The following KCNK1 variants were observed in gnomAD, a reference collection of about 807,000 sequenced individuals.
KCNK1 encodes the protein potassium two pore domain channel subfamily K member 1, also known as potassium channel subfamily K member 1.
KCNK1 carries 10 observed loss-of-function variants against 22.2 expected under a neutral mutation model. The observed-to-expected ratio is 0.45, with a 90% CI of 0.28 to 0.76. KCNK1 has a LOEUF of 0.76. Among genes scored for constraint, KCNK1 ranks in the 30% least tolerant of loss-of-function variants. The pLI is 0.14. For missense variants in KCNK1, 378 were observed against 421.0 expected, an observed-to-expected ratio of 0.90 and a Z score of 0.89; for synonymous variants, 200 against 186.4, an observed-to-expected ratio of 1.07 and a Z score of -0.60.
At chr1:233,660,335 ATAGT>A (rs1373892242) in intron 1 of KCNK1, 4 of 152,226 alleles carry the variant, frequency 2.6e-5, no homozygotes, top group Admixed American at 1.3e-4. Context: ...TTTACATTAA[ATAGT>A]TAAATAGGAA....
chr1:233,627,414 G>T (rs1297166474), intron 1 of KCNK1, among the ~76,000 whole-genome samples: 1 of 152,188 alleles, frequency 6.6e-6, no homozygotes, highest in African/African-American at 2.4e-5. Flanking sequence ...TGGTTAGATG[G>T]ATTAAGTTAA....
rs759430506 is a variant in KCNK1, at chr1:233,666,657, A to G, written c.418A>G (p.Ile140Val). ...GGCCTTCTGCATCATCTACTCCGTC[A>G]TTGGCATTCCCTTCACCCTCCTGTT... is the stretch of plus-strand genomic sequence containing the variant. ...GKAFCIIYSV[I>V]GIPFTLLFLT... The change falls in exon 2 of 3, where the codon ATT becomes GTT. Residue 140 changes from isoleucine (I) to valine (V), a missense_variant. Ile to Val is a conservative substitution (Grantham distance 29, BLOSUM62 3). Transcript: ENST00000366621. 1.2e-6 allele frequency: 2 copies of G among 1,614,034 alleles called. No individual in the cohort carries two copies. The highest frequency in any genetic ancestry group is 1.7e-6 in the Non-Finnish European group (2 of 1,179,994).
rs78993660 is a variant in KCNK1 at position 233,627,001 on chromosome 1, G to A, written c.355+12475G>A. 6.9e-3 allele frequency among the ~76,000 whole-genome samples: 1,049 copies of A among 151,932 alleles called. 8 individuals are homozygous for A. The highest frequency in any genetic ancestry group is 9.3e-3 in the Non-Finnish European group (634 of 67,972). ...GTTTCTGTTTTTAGGAAGTAAGTAA[G>A]TAAAACATGATTTTTTTTTTCACAA... On this transcript the variant is annotated intron_variant, in intron 1 of 2. Transcript: ENST00000366621.
intron 1 of KCNK1, among the ~76,000 whole-genome samples, chr1:233,662,973 A>G (rs990833948): frequency 6.6e-6 from 1 of 152,244 alleles, no homozygotes; most frequent in Non-Finnish European, 1.5e-5. Flanking sequence ...AGATTTAAAA[A>G]TATGAATTTT....
intron 1 of KCNK1, among the ~76,000 whole-genome samples, chr1:233,649,725 T>C (rs140756949): frequency 4.6e-4 from 70 of 152,272 alleles, no homozygotes; most frequent in African/African-American, 1.6e-3. Context: ...GAGGGCAGAA[T>C]CCTTATGACC....
intron 1 of KCNK1, among the ~76,000 whole-genome samples, chr1:233,649,121 T>G (rs1410024140): frequency 6.6e-6 from 1 of 152,214 alleles, no homozygotes; most frequent in Non-Finnish European, 1.5e-5. Flanking sequence ...TAAAAAGGTG[T>G]ATTTTTCTGC....
Position 233,671,569 on chromosome 1 carries a change from A to G in KCNK1, c.*39A>G. The stretch of plus-strand genomic sequence containing the variant: ...TGCATTATGCTAGAGCACCAGGGTC[A>G]GGGTGCAAGGAAGAGGCTTAAGTAT... On this transcript the variant is annotated 3_prime_UTR_variant, in exon 3 of 3. Transcript: ENST00000366621. The G allele has an allele frequency of 6.2e-7, 1 of 1,610,954 alleles. No individual in the cohort carries two copies. The highest frequency in any genetic ancestry group is 1.1e-5 in the South Asian group (1 of 90,918).
At position 233,641,528 on chromosome 1, in the gene KCNK1, A is replaced by G. The variant is rs1006347307; in HGVS notation, c.356-25067A>G. Among the ~76,000 whole-genome samples the G allele has an allele frequency of 1.5e-4, 23 of 152,326 alleles. 1 individual carries two copies. The highest frequency in any genetic ancestry group is 1.3e-3 in the East Asian group (7 of 5,188). On this transcript the variant is annotated intron_variant, in intron 1 of 2. Coordinates refer to ENST00000366621, the MANE Select transcript of KCNK1 (RefSeq NM_002245.4). ...TTAAATTTATAGGAGGGACACGTAAATGTTCTCACACTGTAAGGTCTGGCA... is the reference window on the plus strand; with the variant it reads ...TTAAATTTATAGGAGGGACACGTAAGTGTTCTCACACTGTAAGGTCTGGCA...
intron 1 of KCNK1, among the ~76,000 whole-genome samples, chr1:233,647,162 G>T (rs1658114309): frequency 6.6e-6 from 1 of 152,210 alleles, no homozygotes; most frequent in Non-Finnish European, 1.5e-5. Context: ...CATGTCATCT[G>T]TGCTTCTGTT....
intron 1 of KCNK1, among the ~76,000 whole-genome samples, chr1:233,661,007 A>AT (rs1381123662): frequency 2.9e-4 from 44 of 152,346 alleles, no homozygotes; most frequent in African/African-American, 9.6e-4. Context: ...TAGAGTAGAA[A>AT]TAACAACTCT....
rs987203686 is a variant in KCNK1, at chr1:233,666,449, A to G, written c.356-146A>G. 1.7e-5 allele frequency: 11 copies of G among 652,508 alleles called. No homozygotes were observed. In the African/African-American group the frequency reaches 1.8e-4, roughly 11 times the overall value. The allele number at this position is 652,508 out of a possible 1,614,324, so 40.4% of individuals were successfully genotyped here. On this transcript the variant is annotated intron_variant, in intron 1 of 2. Coordinates refer to ENST00000366621, the MANE Select transcript of KCNK1 (RefSeq NM_002245.4). ...TTTACTGGGACATGACAATTATACT[A>G]GAGCCCCTAAAGTGGCAGACCTGAA... is the stretch of plus-strand genomic sequence containing the variant.
chr1:233,657,902 C>T (rs1489612865), intron 1 of KCNK1, among the ~76,000 whole-genome samples: 3 of 152,052 alleles, frequency 2.0e-5, no homozygotes, highest in African/African-American at 4.8e-5. Context: ...ACCAGGTACT[C>T]ACCAGCTTAG....
In KCNK1 at chr1:233,645,706, G is replaced by A. The variant is rs563386657; in HGVS notation, c.356-20889G>A. Among the ~76,000 whole-genome samples, 13 of 152,294 alleles carry A rather than the reference G, an allele frequency of 8.5e-5. No homozygotes were observed. In the South Asian group the frequency reaches 2.7e-3, roughly 32 times the overall value. ...AATTTGTACAGCAGCCACAGGAAAC[G>A]AATACCAGTGTCTCATAGGCTTGGC... On this transcript the variant is annotated intron_variant, in intron 1 of 2. Transcript: ENST00000366621.
At chr1:233,639,621 T>C (rs1256322609) in intron 1 of KCNK1, among the ~76,000 whole-genome samples, 6 of 152,244 alleles carry the variant, frequency 3.9e-5, no homozygotes, top group Non-Finnish European at 8.8e-5. Context: ...GTCAAATACT[T>C]GATTCTCTTT....
intron 1 of KCNK1, among the ~76,000 whole-genome samples, chr1:233,617,015 C>T (rs1394116578): frequency 1.3e-5 from 2 of 150,902 alleles, no homozygotes; most frequent in Non-Finnish European, 2.9e-5. Flanking sequence ...AATCGCTTTT[C>T]GTTTTTTGGG....
intron 1 of KCNK1, among the ~76,000 whole-genome samples, chr1:233,620,066 AAAG>A (rs1657555916): frequency 6.6e-6 from 1 of 152,200 alleles, no homozygotes; most frequent in African/African-American, 2.4e-5. Flanking sequence ...GGACAAAAAA[AAAG>A]AAAAAGAAAA....
chr1:233,641,291 A>G (rs962268317), intron 1 of KCNK1, among the ~76,000 whole-genome samples: 2 of 152,130 alleles, frequency 1.3e-5, no homozygotes, highest in Non-Finnish European at 2.9e-5. Flanking sequence ...GCTTTCCTCT[A>G]TATTTTGAGT....
chr1:233,650,766 C>A (rs1477968774), intron 1 of KCNK1, among the ~76,000 whole-genome samples: 1 of 151,470 alleles, frequency 6.6e-6, no homozygotes, highest in Non-Finnish European at 1.5e-5. Flanking sequence ...ATTCCTCAGC[C>A]CGTTCCCCTA....
At chr1:233,663,749 A>G (rs1457546258) in intron 1 of KCNK1, among the ~76,000 whole-genome samples, 1 of 152,174 alleles carries the variant, frequency 6.6e-6, no homozygotes, top group African/African-American at 2.4e-5. Flanking sequence ...CCTTCTGGTC[A>G]TGTGAGCACT....
Sources: gnomAD v4.1 joint callset for allele counts (sites outside exome capture counted in the v4.1 genomes callset) on GRCh38, gnomAD v4.1.1 for gene constraint, MANE v1.5 for transcripts, NCBI Gene and HGNC (gene_info 2026-07-23, HGNC 2026-07-21) for gene names.